NRG1: variants seen among roughly 807,000 people sequenced by gnomAD.
The protein encoded by NRG1 is neuregulin 1.
Under a neutral mutation model 63.8 loss-of-function variants are expected in NRG1, and 18 were observed. That is an observed-to-expected ratio of 0.28 (90% CI 0.19 to 0.42). The LOEUF (loss-of-function observed/expected upper bound fraction) is 0.42, where lower values mean the gene tolerates loss of function less well. Among genes scored for constraint, NRG1 ranks in the 10% least tolerant of loss-of-function variants. The pLI is 1.00. For missense variants in NRG1, 762 were observed against 814.7 expected (o/e 0.94, Z 0.79); for synonymous variants, 302 against 301.3 (o/e 1.00, Z -0.02).
chr8:31,957,056 A>G (rs1295952589), intron 1 of NRG1, among the ~76,000 whole-genome samples: 1 of 152,218 alleles, frequency 6.6e-6, no homozygotes, highest in Admixed American at 6.5e-5. Context: ...ACTATGGGAT[A>G]TAAGGCAAAT....
At chr8:32,140,138 G>A (rs570333029) in intron 1 of NRG1, among the ~76,000 whole-genome samples, 4 of 152,190 alleles carry the variant, frequency 2.6e-5, no homozygotes, top group South Asian at 4.1e-4. Flanking sequence ...TGAATACCAC[G>A]GTGCTGGAGT....
At chr8:32,090,109 G>T (rs936078884) in intron 1 of NRG1, among the ~76,000 whole-genome samples, 1 of 152,076 alleles carries the variant, frequency 6.6e-6, no homozygotes, top group African/African-American at 2.4e-5. Flanking sequence ...CCTCTTAAAG[G>T]TTATAAGATA....
At chr8:32,555,482 C>CT (rs1031465971) in intron 1 of NRG1, among the ~76,000 whole-genome samples, 5 of 152,050 alleles carry the variant, frequency 3.3e-5, no homozygotes, top group African/African-American at 1.2e-4. Flanking sequence ...TATTTATGTA[C>CT]TTTTTTTGAG....
chr8:31,962,923 T>A (rs1805703290), intron 1 of NRG1, among the ~76,000 whole-genome samples: 1 of 152,196 alleles, frequency 6.6e-6, no homozygotes, highest in South Asian at 2.1e-4. Context: ...AGAAGCCTCA[T>A]TTATATTTAA....
chr8:32,244,084 C>T (rs1848387356), intron 1 of NRG1, among the ~76,000 whole-genome samples: 1 of 152,112 alleles, frequency 6.6e-6, no homozygotes, highest in African/African-American at 2.4e-5. Context: ...AAATGTGGAT[C>T]CCATTGGTAG....
chr8:32,143,763 G>A (rs1054613081), intron 1 of NRG1, among the ~76,000 whole-genome samples: 15 of 152,186 alleles, frequency 9.9e-5, no homozygotes, highest in African/African-American at 3.6e-4. Context: ...AACAGTTTAT[G>A]CCCATTGAAA....
intron 1 of NRG1, among the ~76,000 whole-genome samples, chr8:31,765,262 C>T (rs1586243123): frequency 6.6e-6 from 1 of 152,004 alleles, no homozygotes; most frequent in Admixed American, 6.6e-5. Context: ...AACAGAAAAA[C>T]CTGTCATCTG....
At chr8:32,668,058 C>T (rs1243491440) in intron 5 of NRG1, among the ~76,000 whole-genome samples, 2 of 151,854 alleles carry the variant, frequency 1.3e-5, no homozygotes, top group African/African-American at 4.8e-5. Context: ...GCTAAAGATA[C>T]AAAAATTAGC....
intron 1 of NRG1, among the ~76,000 whole-genome samples, chr8:32,427,826 A>G (rs1288926311): frequency 6.6e-6 from 1 of 152,190 alleles, no homozygotes; most frequent in Non-Finnish European, 1.5e-5. Flanking sequence ...ATGCCTCATT[A>G]TTTATGTTGA....
At chr8:32,723,542 C>T (rs551272181) in intron 5 of NRG1, among the ~76,000 whole-genome samples, 5 of 151,300 alleles carry the variant, frequency 3.3e-5, no homozygotes, top group South Asian at 2.1e-4. Flanking sequence ...AAAAATTAGC[C>T]GGGTGTGGTG....
intron 1 of NRG1, among the ~76,000 whole-genome samples, chr8:32,432,608 C>G (rs1480924317): frequency 1.3e-5 from 2 of 152,154 alleles, no homozygotes; most frequent in Non-Finnish European, 2.9e-5. Context: ...CTCCCAGGTT[C>G]AAGCGATTCT....
At chr8:31,733,334 C>G (rs927518639) in intron 1 of NRG1, among the ~76,000 whole-genome samples, 1 of 152,072 alleles carries the variant, frequency 6.6e-6, no homozygotes, top group African/African-American at 2.4e-5. Context: ...GGAAAACACC[C>G]AGTAGTGAGA....
chr8:32,723,287 A>G (rs981978331), intron 5 of NRG1, among the ~76,000 whole-genome samples: 13 of 152,180 alleles, frequency 8.5e-5, no homozygotes, highest in Admixed American at 2.6e-4. Context: ...CATTTTATCT[A>G]TGAAGGGTTT....
intron 1 of NRG1, among the ~76,000 whole-genome samples, chr8:31,777,719 G>A (rs1819284965): frequency 6.6e-6 from 1 of 152,154 alleles, no homozygotes; most frequent in African/African-American, 2.4e-5. Flanking sequence ...CATGGCAGAA[G>A]GAAAAAGGAA....
intron 1 of NRG1, among the ~76,000 whole-genome samples, chr8:32,151,004 A>G (rs903940903): frequency 2.6e-5 from 4 of 152,176 alleles, no homozygotes; most frequent in African/African-American, 9.6e-5. Context: ...GTCAACTAGG[A>G]TAGGGGCCAG....
chr8:31,900,810 A>G (rs1186971235), intron 1 of NRG1, among the ~76,000 whole-genome samples: 2 of 152,206 alleles, frequency 1.3e-5, no homozygotes, highest in Admixed American at 6.5e-5. Flanking sequence ...ATTTGCCATC[A>G]GAGAAACTGC....
At chr8:32,406,137 C>T (rs1302363412) in intron 1 of NRG1, among the ~76,000 whole-genome samples, 1 of 152,164 alleles carries the variant, frequency 6.6e-6, no homozygotes, top group Non-Finnish European at 1.5e-5. Flanking sequence ...ATGTTCATTC[C>T]TTCTTTGTCA....
intron 1 of NRG1, among the ~76,000 whole-genome samples, chr8:32,034,223 A>C (rs574541875): frequency 4.7e-4 from 72 of 152,112 alleles, no homozygotes; most frequent in African/African-American, 1.5e-3. Flanking sequence ...GGTTTTTGTC[A>C]TTGGTTCTGT....
At chr8:31,680,811 A>C (rs1261552124) in intron 1 of NRG1, among the ~76,000 whole-genome samples, 1 of 152,146 alleles carries the variant, frequency 6.6e-6, no homozygotes, top group Admixed American at 6.6e-5. Context: ...TAGAAATTTT[A>C]TGGAATAAAA....
Sources: allele counts gnomAD v4.1 joint callset (sites outside exome capture counted in the v4.1 genomes callset), GRCh38; gene constraint gnomAD v4.1.1; transcripts MANE v1.5; gene names NCBI Gene and HGNC (gene_info 2026-07-23, HGNC 2026-07-21).